ELAVL2: variants seen among roughly 807,000 people sequenced by gnomAD.
The protein encoded by ELAVL2 is ELAV like RNA binding protein 2.
A neutral mutation model predicts 34.6 loss-of-function variants in ELAVL2; 4 were observed. That is an observed-to-expected ratio of 0.12 (90% CI 0.06 to 0.26). The LOEUF (loss-of-function observed/expected upper bound fraction) is 0.26, where lower values mean the gene tolerates loss of function less well. Among genes scored for constraint, ELAVL2 ranks in the 10% least tolerant of loss-of-function variants. ELAVL2 has a pLI of 1.00. For missense variants in ELAVL2, 432 were observed against 442.8 expected, an observed-to-expected ratio of 0.98 and a Z score of 0.22; for synonymous variants, 193 against 154.8, an observed-to-expected ratio of 1.25 and a Z score of -1.83.
chr9:23,810,288 C>CCA (rs1190662169), intron 1 of ELAVL2, among the ~76,000 whole-genome samples: 6 of 152,060 alleles, frequency 3.9e-5, no homozygotes, highest in African/African-American at 1.4e-4. Context: ...ATGGAAATGC[C>CCA]TCCAGAAGTC....
chr9:23,746,750 T>C (rs2050589663), intron 2 of ELAVL2, among the ~76,000 whole-genome samples: 1 of 150,658 alleles, frequency 6.6e-6, no homozygotes. Context: ...CCTAATGAAA[T>C]GTAAGACTGA....
At chr9:23,707,850 TTAAAG>T (rs1289810404) in intron 3 of ELAVL2, among the ~76,000 whole-genome samples, 5 of 152,166 alleles carry the variant, frequency 3.3e-5, no homozygotes, top group Non-Finnish European at 7.4e-5. Context: ...GCCCAGCCCC[TTAAAG>T]TAGAGAGAAA....
At chr9:23,736,546 A>T (rs1239312781) in intron 2 of ELAVL2, among the ~76,000 whole-genome samples, 1 of 152,150 alleles carries the variant, frequency 6.6e-6, no homozygotes, top group Non-Finnish European at 1.5e-5. Flanking sequence ...CCTGCAGGTA[A>T]CATTTGATCC....
At chr9:23,712,640 T>C (rs1038282702) in intron 3 of ELAVL2, among the ~76,000 whole-genome samples, 5 of 152,160 alleles carry the variant, frequency 3.3e-5, no homozygotes, top group East Asian at 3.9e-4. Context: ...ATCTTTTTGA[T>C]AGTGTCTCTC....
the ELAVL2 span, among the ~76,000 whole-genome samples, chr9:23,845,404 A>G: frequency 1.3e-5 from 2 of 151,844 alleles, no homozygotes; most frequent in African/African-American, 4.8e-5. Flanking sequence ...ACATTTTATT[A>G]GCTACTAAAA....
chr9:23,716,345 G>C (rs1381815270), intron 3 of ELAVL2, among the ~76,000 whole-genome samples: 2 of 152,080 alleles, frequency 1.3e-5, no homozygotes, highest in East Asian at 3.9e-4. Context: ...AAAAAACTTT[G>C]TTTTTGTATG....
chr9:23,816,203 T>C (rs1263991933), intron 1 of ELAVL2, among the ~76,000 whole-genome samples: 1 of 151,494 alleles, frequency 6.6e-6, no homozygotes, highest in East Asian at 1.9e-4. Context: ...AACTTCCAAT[T>C]TTACAATGAC....
intron 1 of ELAVL2, among the ~76,000 whole-genome samples, chr9:23,773,575 T>C (rs1222283043): frequency 1.3e-5 from 2 of 152,198 alleles, no homozygotes; most frequent in East Asian, 1.9e-4. Context: ...GTATAACCTG[T>C]ATATACATTA....
chr9:23,779,618 A>C (rs1450370163), intron 1 of ELAVL2, among the ~76,000 whole-genome samples: 1 of 152,066 alleles, frequency 6.6e-6, no homozygotes, highest in Non-Finnish European at 1.5e-5. Flanking sequence ...AGTTTGGTTA[A>C]AATCTGAAGG....
chr9:23,693,419 T>C, intron 6 of ELAVL2, 29 bp downstream of exon 6: 1 of 1,613,602 alleles, frequency 6.2e-7, no homozygotes, highest in Non-Finnish European at 8.5e-7. Flanking sequence ...TGGAAAGGGA[T>C]TATGAGTATC....
intron 1 of ELAVL2, among the ~76,000 whole-genome samples, chr9:23,795,938 G>A (rs1043123423): frequency 3.3e-5 from 5 of 152,144 alleles, no homozygotes; most frequent in African/African-American, 7.2e-5. Flanking sequence ...CAAACCGGGG[G>A]AAAAATGCAT....
intron 3 of ELAVL2, among the ~76,000 whole-genome samples, chr9:23,715,721 T>A (rs1390814272): frequency 3.3e-5 from 5 of 152,138 alleles, no homozygotes. Flanking sequence ...GTACTTAAGA[T>A]ATAATTTGTG....
At position 23,699,812 on chromosome 9, in the gene ELAVL2, G is replaced by GTTTTTTTTTTTTTTTT. The variant is rs199637833; in HGVS notation, c.713+1551_713+1566dup. On this transcript the variant is annotated intron_variant, in intron 5 of 6. Transcript: ENST00000397312. ...CCATGGGAAGTCAAAGGTGGCAAAG[G>GTTTTTTTTTTTTTTTT]TTTTTTTTTTTTTTTTTTTTTTTTT... is the stretch of plus-strand genomic sequence containing the variant. 6.0e-5 allele frequency among the ~76,000 whole-genome samples: 5 copies of GTTTTTTTTTTTTTTTT among 82,978 alleles called. 1 individual carries two copies. The highest frequency in any genetic ancestry group is 8.7e-5 in the African/African-American group (2 of 22,932). The allele number at this position is 82,978 out of a possible 152,430, so 54.4% of individuals were successfully genotyped here.
chr9:23,829,100 TG>T (rs1369597705), upstream of ELAVL2, among the ~76,000 whole-genome samples: 8 of 152,328 alleles, frequency 5.3e-5, no homozygotes, highest in East Asian at 1.2e-3. Context: ...CATTTGAATA[TG>T]ATTAAGTTAT....
At chr9:23,809,620 CTA>C (rs1383360678) in intron 1 of ELAVL2, among the ~76,000 whole-genome samples, 2 of 152,084 alleles carry the variant, frequency 1.3e-5, no homozygotes, top group African/African-American at 2.4e-5. Flanking sequence ...GTCTCATGTA[CTA>C]TATTCTTTCT....
intron 1 of ELAVL2, among the ~76,000 whole-genome samples, chr9:23,809,513 T>G (rs1422405227): frequency 6.6e-6 from 1 of 152,162 alleles, no homozygotes; most frequent in African/African-American, 2.4e-5. Flanking sequence ...TTAAGGCAGT[T>G]TTTGCAAAAA....
At chr9:23,799,330 G>T (rs1230537904) in intron 1 of ELAVL2, among the ~76,000 whole-genome samples, 1 of 152,142 alleles carries the variant, frequency 6.6e-6, no homozygotes, top group Non-Finnish European at 1.5e-5. Flanking sequence ...AATCCTATCT[G>T]TTACCTTGTT....
chr9:23,700,731 A>G (rs1420172687), intron 5 of ELAVL2, among the ~76,000 whole-genome samples: 2 of 152,220 alleles, frequency 1.3e-5, no homozygotes, highest in South Asian at 4.1e-4. Context: ...ACCTGTTTGT[A>G]AACAATTTTG....
intron 1 of ELAVL2, among the ~76,000 whole-genome samples, chr9:23,806,091 T>C (rs1351424345): frequency 6.6e-6 from 1 of 152,098 alleles, no homozygotes; most frequent in Non-Finnish European, 1.5e-5. Context: ...TAAAATATTA[T>C]TCAGTATCCA....
Sources: gnomAD v4.1 joint callset for allele counts (sites outside exome capture counted in the v4.1 genomes callset) on GRCh38, gnomAD v4.1.1 for gene constraint, MANE v1.5 for transcripts, NCBI Gene and HGNC (gene_info 2026-07-23, HGNC 2026-07-21) for gene names.